THAP4: variants seen among roughly 807,000 people sequenced by gnomAD.
The protein encoded by THAP4 is THAP domain containing 4.
A neutral mutation model predicts 48.1 loss-of-function variants in THAP4; 18 were observed. The ratio of observed to expected loss-of-function variants is 0.37; its 90% confidence interval spans 0.26 to 0.56. The LOEUF is 0.56. THAP4 is among the 20% of genes least tolerant of loss of function. THAP4 has a pLI of 0.78. For synonymous variants in THAP4, 345 were observed against 324.9 expected, an observed-to-expected ratio of 1.06 and a Z score of -0.66; for missense variants, 656 against 774.9, an observed-to-expected ratio of 0.85 and a Z score of 1.82.
chr2:241,596,119 G>C (rs1438421071), intron 5 of THAP4, among the ~76,000 whole-genome samples: 1 of 152,140 alleles, frequency 6.6e-6, no homozygotes, highest in Non-Finnish European at 1.5e-5. Flanking sequence ...CAGTGAACCT[G>C]GCTGGGGGTG....
Position 241,617,275 on chromosome 2 carries a change from C to A in THAP4, c.1241-10802G>T, listed in dbSNP as rs1419119523. 8 of 672,226 alleles carry A rather than the reference C, an allele frequency of 1.2e-5. No homozygotes were observed. The East Asian group carries it at 1.9e-4, about 16-fold the overall frequency. The allele number at this position is 672,226 out of a possible 1,614,324, so 41.6% of individuals were successfully genotyped here. A position where few individuals can be genotyped will look rare whatever the true frequency, so the allele number is the denominator to read the frequency against. ...CACCTCTTTAAATAAACCAGACAGG[C>A]TTTTCTAGGCATTTCTTTTCTGATT... On this transcript the variant is annotated intron_variant, in intron 2 of 5. Coordinates refer to ENST00000407315, the MANE Select transcript of THAP4 (RefSeq NM_015963.6).
In THAP4 at chr2:241,612,469, C is replaced by T. The variant is rs2067289714; in HGVS notation, c.1241-5996G>A. On this transcript the variant is annotated intron_variant, in intron 2 of 5. Transcript: ENST00000407315. This position sits in a 1 kb window ranked among gnomAD's most constrained non-coding sequence, Gnocchi z 4.1. ...ACACACCTGTCCCCACAGGACGCTG[C>T]CCATGAATGTTTACAGCAGCACCAT... is the stretch of plus-strand genomic sequence containing the variant. 6.6e-6 allele frequency among the ~76,000 whole-genome samples: 1 copy of T among 152,144 alleles called. No individual in the cohort carries two copies. Among genetic ancestry groups the T allele is most frequent in the Non-Finnish European group, 1.5e-5 (1 of 68,034 alleles).
At chr2:241,585,930 G>GAAAAAAAAAAAA (rs1247935159) in intron 5 of THAP4, among the ~76,000 whole-genome samples, 1 of 108,992 alleles carries the variant, frequency 9.2e-6, no homozygotes, top group Non-Finnish European at 1.8e-5. Context: ...AAAAAAAAAA[G>GAAAAAAAAAAAA]AAAAAAAAAA....
intron 2 of THAP4, among the ~76,000 whole-genome samples, chr2:241,614,159 A>G (rs952436351): frequency 1.3e-5 from 2 of 149,296 alleles, no homozygotes; most frequent in African/African-American, 4.9e-5. Flanking sequence ...TGCCTTGAGA[A>G]AAAAAAAAAA....
At chr2:241,626,437 G>A (rs940158910) in intron 2 of THAP4, among the ~76,000 whole-genome samples, 11 of 151,264 alleles carry the variant, frequency 7.3e-5, no homozygotes, top group Non-Finnish European at 1.3e-4. Flanking sequence ...GCGAAACTAC[G>A]TCTCAAAACA....
At chr2:241,606,580 G>T in intron 2 of THAP4, 107 bp from the exon 3 acceptor site, 1 of 1,113,444 alleles carries the variant, frequency 9.0e-7, no homozygotes, top group Non-Finnish European at 1.2e-6. Flanking sequence ...GGTGGCCACA[G>T]CTAATCCTGG....
chr2:241,616,906 C>T lies in THAP4; in HGVS notation c.1241-10433G>A, dbSNP rs894603485. Among the ~76,000 whole-genome samples, 2 of 152,094 alleles carry T rather than the reference C, an allele frequency of 1.3e-5. No individual in the cohort carries two copies. The highest frequency in any genetic ancestry group is 4.8e-5 in the African/African-American group (2 of 41,416). ...AGGTCAGGCAGTAAACAAGCAGCGGCGGCGCCTCCTTCTGTCTACACTGCA... is the reference window on the plus strand; with the variant it reads ...AGGTCAGGCAGTAAACAAGCAGCGGTGGCGCCTCCTTCTGTCTACACTGCA... On this transcript the variant is annotated intron_variant, in intron 2 of 5. Transcript: ENST00000407315. This position sits in a 1 kb window ranked among gnomAD's most constrained non-coding sequence, Gnocchi z 4.6.
chr2:241,603,124 A>T, intron 3 of THAP4, 45 bp from the exon 4 acceptor site: 1 of 1,516,324 alleles, frequency 6.6e-7, no homozygotes. Flanking sequence ...CTGGCCTCCA[A>T]GATGGCGTGG....
intron 2 of THAP4, among the ~76,000 whole-genome samples, chr2:241,628,027 C>T (rs1431288832): frequency 3.3e-5 from 5 of 152,136 alleles, no homozygotes; most frequent in Non-Finnish European, 7.4e-5. Flanking sequence ...CATCACTGGC[C>T]CCCTCTCCGC....
intron 1 of THAP4, 97 bp downstream of exon 1, chr2:241,636,844 G>T: frequency 4.3e-6 from 3 of 704,006 alleles, no homozygotes; most frequent in South Asian, 6.1e-5. Context: ...GCCGAGGCCC[G>T]GCGCCCCCGC....
At chr2:241,632,523 T>C (rs2067578670) in intron 2 of THAP4, among the ~76,000 whole-genome samples, 1 of 152,258 alleles carries the variant, frequency 6.6e-6, no homozygotes, top group Non-Finnish European at 1.5e-5. Context: ...CAGTTTCTGA[T>C]ATTTGCTTTT....
chr2:241,636,117 ATAATC>A (rs2067645560), intron 1 of THAP4, among the ~76,000 whole-genome samples: 1 of 152,258 alleles, frequency 6.6e-6, no homozygotes. Flanking sequence ...GACTTGTGAA[ATAATC>A]TAATGTTACT....
chr2:241,592,976 C>T (rs1057187173), intron 5 of THAP4, among the ~76,000 whole-genome samples: 4 of 152,206 alleles, frequency 2.6e-5, no homozygotes, highest in Non-Finnish European at 5.9e-5. Context: ...GGCACGGTGG[C>T]TCACACCTAT....
In THAP4 at chr2:241,616,905, G is replaced by T. The variant is rs2067355527; in HGVS notation, c.1241-10432C>A. ...CAGGTCAGGCAGTAAACAAGCAGCGGCGGCGCCTCCTTCTGTCTACACTGC... is the reference window on the plus strand; with the variant it reads ...CAGGTCAGGCAGTAAACAAGCAGCGTCGGCGCCTCCTTCTGTCTACACTGC... On this transcript the variant is annotated intron_variant, in intron 2 of 5. Coordinates refer to ENST00000407315, the MANE Select transcript of THAP4 (RefSeq NM_015963.6). The surrounding 1 kb of genome is among the most constrained non-coding windows in gnomAD (Gnocchi z 4.6). 6.6e-6 allele frequency among the ~76,000 whole-genome samples: 1 copy of T among 151,772 alleles called. No homozygotes were observed. The highest frequency in any genetic ancestry group is 2.4e-5 in the African/African-American group (1 of 41,332).
intron 2 of THAP4, among the ~76,000 whole-genome samples, chr2:241,632,041 G>A (rs928941321): frequency 1.3e-5 from 2 of 151,884 alleles, no homozygotes; most frequent in Admixed American, 1.3e-4. Flanking sequence ...CTGAGTAGCT[G>A]GCATTACAGG....
At chr2:241,607,865 C>T (rs1449121350) in intron 2 of THAP4, among the ~76,000 whole-genome samples, 3 of 127,580 alleles carry the variant, frequency 2.4e-5, no homozygotes, top group African/African-American at 9.1e-5. Context: ...GGACTGACCC[C>T]CAGTGTCTCC....
chr2:241,625,650 T>C (rs901207140), intron 2 of THAP4, among the ~76,000 whole-genome samples: 3 of 150,594 alleles, frequency 2.0e-5, no homozygotes, highest in Non-Finnish European at 3.0e-5. Flanking sequence ...TACAAAAAAT[T>C]AGCCGGGCGT....
At chr2:241,626,824 A>G (rs913934746) in intron 2 of THAP4, among the ~76,000 whole-genome samples, 1 of 152,224 alleles carries the variant, frequency 6.6e-6, no homozygotes, top group Non-Finnish European at 1.5e-5. Context: ...TCGGCCTCCC[A>G]AAGTGTTGGG....
intron 3 of THAP4, 42 bp from the exon 4 acceptor site, chr2:241,603,121 C>T: frequency 6.5e-7 from 1 of 1,537,310 alleles, no homozygotes; most frequent in Non-Finnish European, 9.0e-7. Context: ...GCACTGGCCT[C>T]CAAGATGGCG....
Sources: gnomAD v4.1 joint callset for allele counts (sites outside exome capture counted in the v4.1 genomes callset) on GRCh38, gnomAD v4.1.1 for gene constraint, Gnocchi (gnomAD v3.1) non-coding constraint, MANE v1.5 for transcripts, NCBI Gene and HGNC (gene_info 2026-07-23, HGNC 2026-07-21) for gene names.